DERL2: variants seen among roughly 807,000 people sequenced by gnomAD.
DERL2 encodes derlin 2.
A neutral mutation model predicts 32.0 loss-of-function variants in DERL2; 13 were observed. The observed-to-expected ratio is 0.41, with a 90% CI of 0.26 to 0.65. DERL2 has a LOEUF of 0.65. Ranked by LOEUF, DERL2 falls within the 30% of genes least tolerant of loss-of-function variation. The pLI is 0.35. For missense variants in DERL2, 208 were observed against 296.3 expected, an observed-to-expected ratio of 0.70 and a Z score of 2.19; for synonymous variants, 111 against 104.7, an observed-to-expected ratio of 1.06 and a Z score of -0.37.
chr17:5,476,849 G>A (rs1401719322), intron 6 of DERL2, among the ~76,000 whole-genome samples: 1 of 152,146 alleles, frequency 6.6e-6, no homozygotes, highest in Admixed American at 6.6e-5. Flanking sequence ...GCAGGATGGG[G>A]GTGGGGGCAC....
chr17:5,481,397 T>A lies in DERL2; in HGVS notation c.234-8A>T. On this transcript the variant is annotated splice_region_variant and splice_polypyrimidine_tract_variant and intron_variant, in intron 3 of 6. Coordinates refer to ENST00000158771, the MANE Select transcript of DERL2 (RefSeq NM_016041.5). This position sits in a 1 kb window ranked among gnomAD's most constrained non-coding sequence, Gnocchi z 4.4. ...ATTCGACAGTAACGATATCTTAAGT[T>A]CCAAGTTAAGAAAATATTAAGCACA... The A allele has an allele frequency of 6.2e-7, 1 of 1,605,542 alleles. No homozygotes were observed. Among genetic ancestry groups the A allele is most frequent in the Non-Finnish European group, 8.5e-7 (1 of 1,172,568 alleles).
chr17:5,475,431 TG>T (rs1431415758), intron 6 of DERL2, among the ~76,000 whole-genome samples: 5 of 152,024 alleles, frequency 3.3e-5, no homozygotes, highest in African/African-American at 4.8e-5. Context: ...GGCTGATTTT[TG>T]TATTTTTAGG....
chr17:5,481,190 A>G lies in DERL2; in HGVS notation c.327+106T>C. ...GAAAATGTGCTGTAAAATAAATGAT[A>G]GTGCCCTGAAGCTAAGATCTAGAGA... On this transcript the variant is annotated intron_variant, in intron 4 of 6. Coordinates refer to ENST00000158771, the MANE Select transcript of DERL2 (RefSeq NM_016041.5). This position sits in a 1 kb window ranked among gnomAD's most constrained non-coding sequence, Gnocchi z 4.4. 1 of 830,240 alleles carries G rather than the reference A, an allele frequency of 1.2e-6. No homozygotes were observed. Among genetic ancestry groups the G allele is most frequent in the Non-Finnish European group, 2.0e-6 (1 of 490,906 alleles). The allele number at this position is 830,240 out of a possible 1,614,324, so 51.4% of individuals were successfully genotyped here.
intron 2 of DERL2, 146 bp from the exon 3 acceptor site, chr17:5,483,028 G>T: frequency 2.3e-6 from 1 of 437,514 alleles, no homozygotes; most frequent in Admixed American, 4.5e-5. Context: ...AACAAAAACG[G>T]GGGCATATAA....
At chr17:5,475,322 C>T (rs556145613) in intron 6 of DERL2, among the ~76,000 whole-genome samples, 7 of 150,088 alleles carry the variant, frequency 4.7e-5, no homozygotes, top group East Asian at 4.0e-4. Flanking sequence ...TGCCATGGTG[C>T]GATCTCGGCT....
intron 6 of DERL2, among the ~76,000 whole-genome samples, chr17:5,476,580 A>G (rs889794287): frequency 1.3e-5 from 2 of 152,094 alleles, no homozygotes; most frequent in Admixed American, 1.3e-4. Context: ...TCAGGAGTTC[A>G]AGACCAGCCT....
intron 6 of DERL2, among the ~76,000 whole-genome samples, chr17:5,478,911 C>T (rs565098310): frequency 9.2e-5 from 14 of 152,048 alleles, no homozygotes; most frequent in Admixed American, 2.6e-4. Context: ...TCTCAACCCT[C>T]TGGGCTCAAG....
rs1414373477 is a variant in DERL2 at position 5,473,002 on chromosome 17, A to G, written c.*1682T>C. 4 of 152,380 alleles carry G rather than the reference A, an allele frequency of 2.6e-5. No homozygotes were observed. The East Asian group carries it at 7.7e-4, about 29-fold the overall frequency. The allele number at this position is 152,380 out of a possible 1,614,324, so 9.4% of individuals were successfully genotyped here. On this transcript the variant is annotated 3_prime_UTR_variant, in exon 7 of 7. Transcript: ENST00000158771. Reference sequence around the variant, plus strand: ...CAAAGTTATTAGCAACATGTAAAATACTTAAATACCATTAGTTATGCAATT... The same window carrying G: ...CAAAGTTATTAGCAACATGTAAAATGCTTAAATACCATTAGTTATGCAATT...
At chr17:5,476,847 G>C (rs11651126) in intron 6 of DERL2, among the ~76,000 whole-genome samples, 29,227 of 152,074 alleles carry the variant, frequency 0.19, 2,847 homozygotes, top group Middle Eastern at 0.23. Flanking sequence ...TAGCAGGATG[G>C]GGGTGGGGGC....
At position 5,472,986 on chromosome 17, in the gene DERL2, T is replaced by G. The variant is rs1416140906; in HGVS notation, c.*1698A>C. The G allele has an allele frequency of 1.3e-5, 2 of 152,194 alleles. No individual in the cohort carries two copies. Among genetic ancestry groups the G allele is most frequent in the Non-Finnish European group, 2.9e-5 (2 of 68,026 alleles). The allele number at this position is 152,194 out of a possible 1,614,324, so 9.4% of individuals were successfully genotyped here. ...TTGCAACAATCATATTCAAAGTTATTAGCAACATGTAAAATACTTAAATAC... is the reference window on the plus strand; with the variant it reads ...TTGCAACAATCATATTCAAAGTTATGAGCAACATGTAAAATACTTAAATAC... On this transcript the variant is annotated 3_prime_UTR_variant, in exon 7 of 7. Coordinates refer to ENST00000158771, the MANE Select transcript of DERL2 (RefSeq NM_016041.5).
At chr17:5,475,007 A>G (rs1268453178) in intron 6 of DERL2, among the ~76,000 whole-genome samples, 3 of 152,248 alleles carry the variant, frequency 2.0e-5, no homozygotes, top group Non-Finnish European at 4.4e-5. Flanking sequence ...AATCCAAATC[A>G]TAATAATTAC....
upstream of DERL2, chr17:5,486,258 CT>C: frequency 9.6e-7 from 1 of 1,039,280 alleles, no homozygotes; most frequent in Non-Finnish European, 1.4e-6. Flanking sequence ...CCCCCGCCCA[CT>C]TTAGTTTTCC....
At chr17:5,477,291 T>C (rs1905458024) in intron 6 of DERL2, among the ~76,000 whole-genome samples, 1 of 152,166 alleles carries the variant, frequency 6.6e-6, no homozygotes, top group African/African-American at 2.4e-5. Flanking sequence ...CATGAAGTTG[T>C]AGAACATGAA....
At chr17:5,476,303 A>G (rs1447631957) in intron 6 of DERL2, among the ~76,000 whole-genome samples, 1 of 152,234 alleles carries the variant, frequency 6.6e-6, no homozygotes, top group Admixed American at 6.5e-5. Context: ...TCTGATTTAT[A>G]CTGGAGTCAG....
chr17:5,474,628 C>T lies in DERL2; in HGVS notation c.*56G>A. ...ACTTTTGCAACAAAGGATAAAAGAT[C>T]CCAGTGGGTATCACCGAGTCCTTCC... On this transcript the variant is annotated 3_prime_UTR_variant, in exon 7 of 7. Transcript: ENST00000158771. This position sits in a 1 kb window ranked among gnomAD's most constrained non-coding sequence, Gnocchi z 4.3. 7.4e-7 allele frequency: 1 copy of T among 1,352,266 alleles called. No individual in the cohort carries two copies. The highest frequency in any genetic ancestry group is 1.0e-6 in the Non-Finnish European group (1 of 970,304). The allele number at this position is 1,352,266 out of a possible 1,614,324, so 83.8% of individuals were successfully genotyped here.
At position 5,480,436 on chromosome 17, in the gene DERL2, G is replaced by A. The variant is rs758977200; in HGVS notation, c.474C>T (p.Leu158=). 7 of 1,613,842 alleles carry A rather than the reference G, an allele frequency of 4.3e-6. No individual in the cohort carries two copies. The highest frequency in any genetic ancestry group is 5.9e-6 in the Non-Finnish European group (7 of 1,179,980). Residue 158 remains leucine, a synonymous_variant, in exon 5 of 7, where the codon CTC becomes CTT. Coordinates refer to ENST00000158771, the MANE Select transcript of DERL2 (RefSeq NM_016041.5). ...NFQAPFLPWV[L]MGFSLLLGNS... ...TCCCCAACAACAAGGAAAATCCCAT[G>A]AGCACCCAGGGCAGAAAGGGGGCCT...
At chr17:5,478,176 C>CT (rs1905510054) in intron 6 of DERL2, among the ~76,000 whole-genome samples, 1 of 151,896 alleles carries the variant, frequency 6.6e-6, no homozygotes, top group Admixed American at 6.6e-5. Context: ...CTAGCCTGGG[C>CT]AACATAGAGA....
At chr17:5,485,973 G>GC (rs768479194) in intron 1 of DERL2, 96 bp downstream of exon 1, 6 of 1,140,292 alleles carry the variant, frequency 5.3e-6, no homozygotes, top group Admixed American at 2.3e-5. Context: ...CCCGGGACCA[G>GC]CCCCTCTGGG....
In DERL2 at chr17:5,481,193, G is replaced by A; in HGVS notation, c.327+103C>T. The stretch of plus-strand genomic sequence containing the variant: ...AATGTGCTGTAAAATAAATGATAGT[G>A]CCCTGAAGCTAAGATCTAGAGAACT... On this transcript the variant is annotated intron_variant, in intron 4 of 6. Transcript: ENST00000158771. This position sits in a 1 kb window ranked among gnomAD's most constrained non-coding sequence, Gnocchi z 4.4. 2.4e-6 allele frequency: 2 copies of A among 851,002 alleles called. No individual in the cohort carries two copies. The highest frequency in any genetic ancestry group is 4.0e-6 in the Non-Finnish European group (2 of 505,238). 52.7% of individuals were successfully genotyped at this position (851,002 alleles called of 1,614,324 possible).
Sources: gnomAD v4.1 joint callset for allele counts (sites outside exome capture counted in the v4.1 genomes callset) on GRCh38, gnomAD v4.1.1 for gene constraint, Gnocchi (gnomAD v3.1) non-coding constraint, MANE v1.5 for transcripts, NCBI Gene and HGNC (gene_info 2026-07-23, HGNC 2026-07-21) for gene names.